The following WWP2 variants were observed in gnomAD, a reference collection of about 807,000 sequenced individuals.
WWP2 encodes the protein NEDD4-like E3 ubiquitin-protein ligase WWP2.
WWP2 carries 57 observed loss-of-function variants against 121.0 expected under a neutral mutation model. The observed-to-expected ratio is 0.47, with a 90% CI of 0.38 to 0.59. WWP2 has a LOEUF of 0.59. Among genes scored for constraint, WWP2 ranks in the 20% least tolerant of loss-of-function variants. WWP2 has a pLI of 0.00. For missense variants in WWP2, 962 were observed against 1,158.9 expected, an observed-to-expected ratio of 0.83 and a Z score of 2.47; for synonymous variants, 449 against 441.3, an observed-to-expected ratio of 1.02 and a Z score of -0.22.
At position 69,825,437 on chromosome 16, in the gene WWP2, C is replaced by A. The variant is rs1420967468; in HGVS notation, c.341-14689C>A. 1.1e-3 allele frequency among the ~76,000 whole-genome samples: 157 copies of A among 144,608 alleles called. 3 individuals are homozygous for A. The highest frequency in any genetic ancestry group is 3.5e-3 in the African/African-American group (143 of 40,360). The allele number at this position is 144,608 out of a possible 152,430, so 94.9% of individuals were successfully genotyped here. ...AGATTCCATCTCCAAAAAAAAAAAA[C>A]CCCAAAAACCAAAAAACTAAAGTGG... On this transcript the variant is annotated intron_variant, in intron 4 of 23. Coordinates refer to ENST00000359154, the MANE Select transcript of WWP2 (RefSeq NM_001270454.2).
intron 12 of WWP2, 92 bp downstream of exon 12, chr16:69,929,621 G>C: frequency 9.1e-7 from 1 of 1,099,582 alleles, no homozygotes; most frequent in Non-Finnish European, 1.4e-6. Context: ...CATCGTCCCA[G>C]AGGGCTGATG....
chr16:69,803,025 C>T (rs1182068205), intron 4 of WWP2, among the ~76,000 whole-genome samples: 1 of 151,982 alleles, frequency 6.6e-6, no homozygotes, highest in Non-Finnish European at 1.5e-5. Flanking sequence ...TTTACCTTCC[C>T]ATCAGCAGTG....
intron 1 of WWP2, among the ~76,000 whole-genome samples, chr16:69,771,478 C>T (rs1489450914): frequency 6.6e-6 from 1 of 152,138 alleles, no homozygotes. Flanking sequence ...AAATCCTGAC[C>T]TCAAGTGATC....
At chr16:69,876,857 C>T (rs985140559) in intron 7 of WWP2, among the ~76,000 whole-genome samples, 1 of 152,142 alleles carries the variant, frequency 6.6e-6, no homozygotes, top group Non-Finnish European at 1.5e-5. Flanking sequence ...TTTTCCTGAA[C>T]AGTAGGTCTC....
chr16:69,794,720 G>A lies in WWP2; in HGVS notation c.71-3962G>A, dbSNP rs117387107. ...TTTGCTGCATTCTTTAAAACAGCTG[G>A]TGGAAGTCTTTAAAAATCATTGTTG... On this transcript the variant is annotated intron_variant, in intron 2 of 23. Coordinates refer to ENST00000359154, the MANE Select transcript of WWP2 (RefSeq NM_001270454.2). Among the ~76,000 whole-genome samples the A allele has an allele frequency of 8.5e-3, 1,297 of 152,276 alleles. 30 individuals are homozygous for A. Among genetic ancestry groups the A allele is most frequent in the Non-Finnish European group, 6.6e-3 (450 of 68,026 alleles).
intron 4 of WWP2, among the ~76,000 whole-genome samples, chr16:69,833,272 T>A (rs2056823074): frequency 6.6e-6 from 1 of 152,248 alleles, no homozygotes; most frequent in African/African-American, 2.4e-5. Context: ...AGTGTGTTGT[T>A]GAAGAAACTG....
At chr16:69,851,378 A>C (rs892650005) in intron 6 of WWP2, among the ~76,000 whole-genome samples, 7 of 151,970 alleles carry the variant, frequency 4.6e-5, no homozygotes, top group Non-Finnish European at 7.4e-5. Context: ...AACCACTGAT[A>C]TTTTATTGTC....
chr16:69,889,095 C>A (rs1291122948), intron 8 of WWP2, among the ~76,000 whole-genome samples: 1 of 152,096 alleles, frequency 6.6e-6, no homozygotes, highest in Non-Finnish European at 1.5e-5. Flanking sequence ...GGGAGGATCA[C>A]TTGAGGCCAG....
intron 8 of WWP2, among the ~76,000 whole-genome samples, chr16:69,897,040 C>T (rs2058116116): frequency 6.6e-6 from 1 of 151,872 alleles, no homozygotes; most frequent in Non-Finnish European, 1.5e-5. Context: ...TAAAAAATAC[C>T]TGTGGCTCAT....
intron 4 of WWP2, chr16:69,827,986 G>T: frequency 2.3e-6 from 1 of 444,142 alleles, no homozygotes; most frequent in Non-Finnish European, 4.5e-6. Flanking sequence ...ATCCACAGCT[G>T]GTTCCCGAGA....
At chr16:69,768,782 A>T (rs921056295) in intron 1 of WWP2, among the ~76,000 whole-genome samples, 3 of 152,074 alleles carry the variant, frequency 2.0e-5, no homozygotes, top group Non-Finnish European at 2.9e-5. Flanking sequence ...GGCTTCCAAT[A>T]GTGTACCTCC....
At chr16:69,861,549 A>G (rs998376144) in intron 6 of WWP2, among the ~76,000 whole-genome samples, 1 of 151,984 alleles carries the variant, frequency 6.6e-6, no homozygotes, top group African/African-American at 2.4e-5. Flanking sequence ...AGGGTGTGGA[A>G]TGGAGCCGTA....
At chr16:69,932,885 A>C (rs954491546) in intron 16 of WWP2, among the ~76,000 whole-genome samples, 14 of 152,186 alleles carry the variant, frequency 9.2e-5, no homozygotes, top group African/African-American at 3.4e-4. Context: ...TGTGGCCCGC[A>C]GCGACCTCTC....
Position 69,830,016 on chromosome 16 carries a change from G to A in WWP2, c.341-10110G>A, listed in dbSNP as rs2056766031. Reference sequence around the variant, plus strand: ...TTCACCTAAGCTGGAATGCAGTGGCGCGATGTTGGGTCATTGCAGCGTTCG... The same window carrying A: ...TTCACCTAAGCTGGAATGCAGTGGCACGATGTTGGGTCATTGCAGCGTTCG... On this transcript the variant is annotated intron_variant, in intron 4 of 23. Transcript: ENST00000359154. 5.3e-5 allele frequency among the ~76,000 whole-genome samples: 8 copies of A among 151,088 alleles called. No individual in the cohort carries two copies. In the South Asian group the frequency reaches 1.5e-3, roughly 28 times the overall value.
intron 6 of WWP2, among the ~76,000 whole-genome samples, chr16:69,850,910 A>G (rs181151028): frequency 6.6e-6 from 1 of 152,054 alleles, no homozygotes; most frequent in Admixed American, 6.5e-5. Context: ...CACTATCAAC[A>G]TCCCCCACCA....
intron 4 of WWP2, among the ~76,000 whole-genome samples, chr16:69,836,836 G>GAA (rs146169739): frequency 0.057 from 8,704 of 152,190 alleles, 294 homozygotes; most frequent in Middle Eastern, 0.11. Context: ...GGATGGTCTC[G>GAA]AATTCCTGAG....
intron 4 of WWP2, among the ~76,000 whole-genome samples, chr16:69,814,041 C>A (rs554797729): frequency 6.6e-6 from 1 of 152,256 alleles, no homozygotes; most frequent in South Asian, 2.1e-4. Flanking sequence ...ATGTCAGACA[C>A]CTAAATTCTC....
At position 69,805,354 on chromosome 16, in the gene WWP2, G is replaced by A. The variant is rs1420094666; in HGVS notation, c.340+6059G>A. On this transcript the variant is annotated intron_variant, in intron 4 of 23. Coordinates refer to ENST00000359154, the MANE Select transcript of WWP2 (RefSeq NM_001270454.2). Reference sequence around the variant, plus strand: ...CCCAGCCTGCTTGGTAGACTTTTATGTGGGTTGTGACACTGATAATTTTGT... The same window carrying A: ...CCCAGCCTGCTTGGTAGACTTTTATATGGGTTGTGACACTGATAATTTTGT... Among the ~76,000 whole-genome samples the A allele has an allele frequency of 5.3e-5, 8 of 151,968 alleles. No homozygotes were observed. The East Asian group carries it at 1.3e-3, about 26-fold the overall frequency.
chr16:69,875,813 T>C (rs1458092995), intron 7 of WWP2, among the ~76,000 whole-genome samples: 1 of 152,210 alleles, frequency 6.6e-6, no homozygotes, highest in Admixed American at 6.5e-5. Flanking sequence ...CACTGAAATC[T>C]TGAACCCCTC....
Sources: gnomAD v4.1 joint callset for allele counts (sites outside exome capture counted in the v4.1 genomes callset) on GRCh38, gnomAD v4.1.1 for gene constraint, MANE v1.5 for transcripts, NCBI Gene and HGNC (gene_info 2026-07-23, HGNC 2026-07-21) for gene names.